ALG8: variants seen among roughly 807,000 people sequenced by gnomAD.
ALG8 encodes ALG8 alpha-1,3-glucosyltransferase.
In ALG8, 48 loss-of-function variants were observed where a neutral mutation model predicts 70.2. The observed-to-expected ratio is 0.68, with a 90% CI of 0.54 to 0.87. The LOEUF (loss-of-function observed/expected upper bound fraction) is 0.87, where lower values mean the gene tolerates loss of function less well. Ranked by LOEUF, ALG8 falls within the 40% of genes least tolerant of loss-of-function variation. The pLI, the probability that ALG8 is intolerant of heterozygous loss-of-function variation, is 0.00. For synonymous variants in ALG8, 234 were observed against 229.0 expected (o/e 1.02, Z -0.20); for missense variants, 572 against 608.7 (o/e 0.94, Z 0.64).
chr11:78,113,459 T>C lies in ALG8; in HGVS notation c.777+427A>G, dbSNP rs1860395337. ...CAAGAGCGGTGGCTCATGCCTTTAA[T>C]CCCAGCACGTTGGGAGGCTGAGGCA... On this transcript the variant is annotated intron_variant, in intron 7 of 12. Transcript: ENST00000299626. Among the ~76,000 whole-genome samples the C allele has an allele frequency of 2.0e-5, 3 of 152,196 alleles. No individual in the cohort carries two copies. The South Asian group carries it at 6.2e-4, about 32-fold the overall frequency.
At chr11:78,111,325 T>C (rs753186001) in intron 8 of ALG8, among the ~76,000 whole-genome samples, 5 of 152,226 alleles carry the variant, frequency 3.3e-5, no homozygotes, top group Non-Finnish European at 7.3e-5. Flanking sequence ...GATAACCTAG[T>C]ACTTTTTAAA....
chr11:78,111,722 C>G (rs964769382), intron 8 of ALG8, among the ~76,000 whole-genome samples: 2 of 152,200 alleles, frequency 1.3e-5, no homozygotes, highest in African/African-American at 4.8e-5. Flanking sequence ...TTGCTGACCA[C>G]CACTCTTGAT....
At chr11:78,128,669 A>C (rs1861182661) in intron 1 of ALG8, among the ~76,000 whole-genome samples, 4 of 144,124 alleles carry the variant, frequency 2.8e-5, no homozygotes, top group Admixed American at 7.0e-5. Flanking sequence ...GGAGTGCAGT[A>C]GTGCGATCTT....
At chr11:78,103,927 A>G (rs1465096437) in intron 12 of ALG8, 53 bp downstream of exon 12, 11 of 982,436 alleles carry the variant, frequency 1.1e-5, no homozygotes, top group Non-Finnish European at 1.7e-5. Flanking sequence ...TTGACCACTT[A>G]GGTGTAAACA....
chr11:78,114,535 C>G, intron 5 of ALG8, 143 bp from the exon 6 acceptor site: 1 of 1,022,632 alleles, frequency 9.8e-7, no homozygotes, highest in Non-Finnish European at 1.5e-6. Flanking sequence ...ATATTGCTTT[C>G]TTAGTCTTGA....
chr11:78,119,313 T>C, intron 4 of ALG8, 64 bp from the exon 5 acceptor site: 1 of 1,190,932 alleles, frequency 8.4e-7, no homozygotes, highest in East Asian at 2.4e-5. Flanking sequence ...TACCAGCTGA[T>C]GGAGTATAGA....
intron 12 of ALG8, 147 bp downstream of exon 12, chr11:78,103,833 T>C (rs1371194851): frequency 1.9e-6 from 1 of 519,686 alleles, no homozygotes; most frequent in African/African-American, 1.9e-5. Context: ...TGGGATTGAG[T>C]GATTTCTCCC....
At chr11:78,110,182 A>T (rs1283736182) in intron 8 of ALG8, among the ~76,000 whole-genome samples, 1 of 149,506 alleles carries the variant, frequency 6.7e-6, no homozygotes, top group South Asian at 2.1e-4. Flanking sequence ...TTGTGAGCTC[A>T]CTTTTTTTTT....
chr11:78,124,203 C>T lies in ALG8; in HGVS notation c.186G>A (p.Glu62=). Residue 62 remains glutamate (E), a synonymous_variant, in exon 3 of 13, where the codon GAG becomes GAA. Transcript: ENST00000299626. ...AGAAAGGGGGGTAATCCAACGTCCA[C>T]TCTGAAGTTGCCTGTGATAAAAATA... is the stretch of plus-strand genomic sequence containing the variant. ...ISQWYYEATS[E]WTLDYPPFFA... The T allele has an allele frequency of 6.2e-7, 1 of 1,614,174 alleles. No individual in the cohort carries two copies. The highest frequency in any genetic ancestry group is 8.5e-7 in the Non-Finnish European group (1 of 1,180,014).
intron 1 of ALG8, among the ~76,000 whole-genome samples, chr11:78,132,051 T>TAA (rs560754140): frequency 2.0e-5 from 3 of 152,308 alleles, no homozygotes; most frequent in South Asian, 4.1e-4. Flanking sequence ...GTCTTTGTCT[T>TAA]ACTCTACATT....
intron 12 of ALG8, among the ~76,000 whole-genome samples, chr11:78,103,114 T>C (rs932909465): frequency 2.8e-4 from 42 of 151,710 alleles, no homozygotes; most frequent in African/African-American, 9.4e-4. Flanking sequence ...TCACCTGAGG[T>C]TGGGAGTTCA....
At chr11:78,103,397 GA>G in intron 12 of ALG8, 1 of 152,952 alleles carries the variant, frequency 6.5e-6, no homozygotes, top group Non-Finnish European at 1.5e-5. Context: ...CCAGGAGGCG[GA>G]AGTTGCAGTG....
intron 7 of ALG8, 122 bp downstream of exon 7, chr11:78,113,764 G>A (rs1363296068): frequency 5.7e-5 from 42 of 737,136 alleles, no homozygotes; most frequent in Non-Finnish European, 6.4e-5. Flanking sequence ...GGGGAGTCAC[G>A]TTGGGTAAGG....
intron 1 of ALG8, among the ~76,000 whole-genome samples, chr11:78,138,142 T>C (rs2136955846): frequency 6.6e-6 from 1 of 151,852 alleles, no homozygotes; most frequent in South Asian, 2.1e-4. Context: ...GGTCAGGAGA[T>C]TTGAGATCAG....
intron 12 of ALG8, among the ~76,000 whole-genome samples, chr11:78,101,629 TAAAA>T (rs1177356901): frequency 6.6e-6 from 1 of 151,788 alleles, no homozygotes; most frequent in Non-Finnish European, 1.5e-5. Context: ...AAAAAATAAA[TAAAA>T]ATAAAAAATA....
At chr11:78,121,287 CTTTT>C (rs376124604) in intron 3 of ALG8, 113 bp from the exon 4 acceptor site, 57 of 625,190 alleles carry the variant, frequency 9.1e-5, no homozygotes, top group African/African-American at 7.3e-4. Flanking sequence ...ACATGCCATT[CTTTT>C]TTTTTTTTTT....
At chr11:78,133,720 G>A (rs1436235253) in intron 1 of ALG8, among the ~76,000 whole-genome samples, 1 of 152,052 alleles carries the variant, frequency 6.6e-6, no homozygotes, top group African/African-American at 2.4e-5. Flanking sequence ...CTAACATGGT[G>A]AAACCCCATC....
chr11:78,135,872 A>AAAAG (rs1436001135), intron 1 of ALG8, among the ~76,000 whole-genome samples: 87 of 151,174 alleles, frequency 5.8e-4, no homozygotes, highest in East Asian at 3.9e-4. Flanking sequence ...AAGAAAAAAA[A>AAAAG]AAAAGAAAAA....
chr11:78,129,114 C>T (rs372192651), intron 1 of ALG8, among the ~76,000 whole-genome samples: 2 of 151,916 alleles, frequency 1.3e-5, no homozygotes, highest in Admixed American at 1.3e-4. Flanking sequence ...CTAAAAGACA[C>T]GTACTGTAAG....
Sources: allele counts gnomAD v4.1 joint callset (sites outside exome capture counted in the v4.1 genomes callset), GRCh38; gene constraint gnomAD v4.1.1; transcripts MANE v1.5; gene names NCBI Gene and HGNC (gene_info 2026-07-23, HGNC 2026-07-21).